The following SKAP2 variants were observed in gnomAD, a reference collection of about 807,000 sequenced individuals.
SKAP2 encodes the protein src kinase-associated phosphoprotein 2.
Under a neutral mutation model 54.9 loss-of-function variants are expected in SKAP2, and 28 were observed. The ratio of observed to expected loss-of-function variants is 0.51; its 90% confidence interval spans 0.38 to 0.70. The LOEUF (loss-of-function observed/expected upper bound fraction) is 0.70. Ranked by LOEUF, SKAP2 falls within the 30% of genes least tolerant of loss-of-function variation. The pLI, the probability that SKAP2 is intolerant of heterozygous loss-of-function variation, is 0.00. For missense variants in SKAP2, 356 were observed against 424.1 expected (o/e 0.84, Z 1.41); for synonymous variants, 137 against 134.3 (o/e 1.02, Z -0.14).
intron 10 of SKAP2, among the ~76,000 whole-genome samples, chr7:26,685,385 G>A (rs1399976463): frequency 6.6e-6 from 1 of 151,974 alleles, no homozygotes; most frequent in Non-Finnish European, 1.5e-5. Context: ...GTTAATGAAA[G>A]ACAACAACGT....
chr7:26,806,060 G>A (rs543642324), intron 4 of SKAP2, among the ~76,000 whole-genome samples: 1 of 152,160 alleles, frequency 6.6e-6, no homozygotes, highest in South Asian at 2.1e-4. Context: ...TGGGAACCAT[G>A]AGCCACACCC....
intron 4 of SKAP2, among the ~76,000 whole-genome samples, chr7:26,778,959 C>T (rs79114486): frequency 0.016 from 2,430 of 151,856 alleles, 64 homozygotes; most frequent in African/African-American, 0.055. Flanking sequence ...CTTTAATAGC[C>T]AAGACATTCT....
intron 4 of SKAP2, among the ~76,000 whole-genome samples, chr7:26,839,564 G>A (rs1222423166): frequency 6.6e-6 from 1 of 151,890 alleles, no homozygotes; most frequent in Non-Finnish European, 1.5e-5. Flanking sequence ...ATGATAGTGG[G>A]TTAAAAACAC....
rs186480849 is a variant in SKAP2, at chr7:26,676,916, G to A, written c.988-6724C>T. Among the ~76,000 whole-genome samples, 123 of 152,206 alleles carry A rather than the reference G, an allele frequency of 8.1e-4. 1 individual carries two copies. Among genetic ancestry groups the A allele is most frequent in the African/African-American group, 2.9e-3 (119 of 41,454 alleles). ...AGGAGCAATACATGGCAGGCGTGAA[G>A]GCCTGCAGAGATAAAAGAATGTGCT... is the stretch of plus-strand genomic sequence containing the variant. On this transcript the variant is annotated intron_variant, in intron 11 of 12. Coordinates refer to ENST00000345317, the MANE Select transcript of SKAP2 (RefSeq NM_003930.5).
intron 9 of SKAP2, among the ~76,000 whole-genome samples, chr7:26,692,902 A>ATT (rs1786814796): frequency 1.3e-5 from 2 of 152,340 alleles, no homozygotes; most frequent in Admixed American, 6.5e-5. Context: ...CTTTCTTTCC[A>ATT]TAGCACCCAC....
chr7:26,756,929 AGTG>A (rs1782807059), intron 4 of SKAP2, among the ~76,000 whole-genome samples: 1 of 152,214 alleles, frequency 6.6e-6, no homozygotes, highest in South Asian at 2.1e-4. Flanking sequence ...TCTGATGGCC[AGTG>A]ATGATGAGCA....
At chr7:26,793,940 A>G (rs563747318) in intron 4 of SKAP2, among the ~76,000 whole-genome samples, 203 of 152,348 alleles carry the variant, frequency 1.3e-3, no homozygotes, top group African/African-American at 4.6e-3. Context: ...TAGGAAATTA[A>G]AGCCCAAAAG....
Position 26,864,549 on chromosome 7 carries a change from G to C in SKAP2, c.-120C>G. Reference sequence around the variant, plus strand: ...CCCGGATTAAGAACAGCGGGGCTACGAGTCGGGACACTGCCGGGCCGGGGC... The same window carrying C: ...CCCGGATTAAGAACAGCGGGGCTACCAGTCGGGACACTGCCGGGCCGGGGC... On this transcript the variant is annotated 5_prime_UTR_variant, in exon 1 of 13. Coordinates refer to ENST00000345317, the MANE Select transcript of SKAP2 (RefSeq NM_003930.5). The C allele has an allele frequency of 6.9e-6, 10 of 1,450,066 alleles. No homozygotes were observed. Among genetic ancestry groups the C allele is most frequent in the Non-Finnish European group, 7.3e-6 (8 of 1,101,656 alleles). The allele number at this position is 1,450,066 out of a possible 1,614,324, so 89.8% of individuals were successfully genotyped here. A position where few individuals can be genotyped will look rare whatever the true frequency, so the allele number is the denominator to read the frequency against.
chr7:26,852,320 T>C (rs754215869), intron 3 of SKAP2, among the ~76,000 whole-genome samples: 2 of 152,232 alleles, frequency 1.3e-5, no homozygotes, highest in Non-Finnish European at 2.9e-5. Flanking sequence ...CTGTACCCTT[T>C]ACTATGCCTA....
At chr7:26,773,690 G>A (rs1783238059) in intron 4 of SKAP2, among the ~76,000 whole-genome samples, 1 of 152,104 alleles carries the variant, frequency 6.6e-6, no homozygotes, top group African/African-American at 2.4e-5. Context: ...CATTTATAAT[G>A]AACCACATAT....
At chr7:26,687,691 G>T (rs1028093247) in intron 10 of SKAP2, among the ~76,000 whole-genome samples, 4 of 152,068 alleles carry the variant, frequency 2.6e-5, no homozygotes, top group Non-Finnish European at 5.9e-5. Flanking sequence ...AATTTAAAGT[G>T]TAGCTAAACA....
At chr7:26,847,100 T>A (rs924584320) in intron 3 of SKAP2, among the ~76,000 whole-genome samples, 19 of 152,268 alleles carry the variant, frequency 1.2e-4, no homozygotes, top group South Asian at 4.1e-4. Context: ...TTTTTTTTTT[T>A]AAATCAGTGT....
chr7:26,699,657 T>C (rs568508541), intron 9 of SKAP2, among the ~76,000 whole-genome samples: 2 of 152,250 alleles, frequency 1.3e-5, no homozygotes, highest in South Asian at 4.1e-4. Flanking sequence ...AATACTTTAC[T>C]TTCTAGAAAA....
chr7:26,802,796 G>A (rs569445821), intron 4 of SKAP2, among the ~76,000 whole-genome samples: 8 of 152,090 alleles, frequency 5.3e-5, no homozygotes, highest in East Asian at 2.0e-4. Flanking sequence ...CAGGAGAATC[G>A]CTTGAACCCA....
At chr7:26,678,598 G>A (rs184091148) in intron 11 of SKAP2, among the ~76,000 whole-genome samples, 6 of 151,722 alleles carry the variant, frequency 4.0e-5, no homozygotes, top group Non-Finnish European at 8.8e-5. Flanking sequence ...GCACCACCAC[G>A]CCCAGGTAAT....
rs56728484 is a variant in SKAP2 at position 26,700,424 on chromosome 7, G to A, written c.797-10062C>T. ...TATCTAGAATTTTCAGAATTCATCT[G>A]AAAAGGGATACCAGATACGCTTTTC... On this transcript the variant is annotated intron_variant, in intron 9 of 12. Coordinates refer to ENST00000345317, the MANE Select transcript of SKAP2 (RefSeq NM_003930.5). 5.3e-3 allele frequency among the ~76,000 whole-genome samples: 811 copies of A among 152,248 alleles called. 10 individuals are homozygous for A. Among genetic ancestry groups the A allele is most frequent in the African/African-American group, 0.018 (744 of 41,538 alleles).
At chr7:26,813,277 G>A (rs1373819413) in intron 4 of SKAP2, among the ~76,000 whole-genome samples, 1 of 152,108 alleles carries the variant, frequency 6.6e-6, no homozygotes, top group African/African-American at 2.4e-5. Context: ...TATTCATGCT[G>A]TGCAAACCTC....
chr7:26,858,853 T>C (rs1187577765), intron 1 of SKAP2, among the ~76,000 whole-genome samples: 4 of 152,162 alleles, frequency 2.6e-5, no homozygotes, highest in Non-Finnish European at 4.4e-5. Flanking sequence ...GAAAAGCAGT[T>C]TGGCCACTTG....
At chr7:26,803,961 CA>C (rs1192244093) in intron 4 of SKAP2, among the ~76,000 whole-genome samples, 1 of 151,904 alleles carries the variant, frequency 6.6e-6, no homozygotes, top group Non-Finnish European at 1.5e-5. Flanking sequence ...GGATGGTTAT[CA>C]GAGGCGAGGA....
Sources: gnomAD v4.1 joint callset for allele counts (sites outside exome capture counted in the v4.1 genomes callset) on GRCh38, gnomAD v4.1.1 for gene constraint, MANE v1.5 for transcripts, NCBI Gene and HGNC (gene_info 2026-07-23, HGNC 2026-07-21) for gene names.